The following CMIP variants were observed in gnomAD, a reference collection of about 807,000 sequenced individuals.
The protein encoded by CMIP is C-Maf-inducing protein.
A neutral mutation model predicts 97.3 loss-of-function variants in CMIP; 13 were observed. The ratio of observed to expected loss-of-function variants is 0.13; its 90% CI spans 0.09 to 0.21. The LOEUF is 0.21. CMIP is among the 10% of genes least tolerant of loss of function. The probability of loss-of-function intolerance (pLI) is 1.00; values close to 1 mark genes in which losing one functional copy is unlikely to be tolerated. For synonymous variants in CMIP, 538 were observed against 436.3 expected (o/e 1.23, Z -2.91); for missense variants, 847 against 1,024.9 (o/e 0.83, Z 2.37).
chr16:81,456,368 C>T (rs1186738361), intron 1 of CMIP, among the ~76,000 whole-genome samples: 1 of 152,216 alleles, frequency 6.6e-6, no homozygotes, highest in Non-Finnish European at 1.5e-5. Flanking sequence ...CAAGGTTACA[C>T]AGCTGGAACC....
chr16:81,520,767 A>G (rs897117107), intron 1 of CMIP: 3 of 152,326 alleles, frequency 2.0e-5, no homozygotes, highest in Admixed American at 1.3e-4. Flanking sequence ...TGGGCAAATA[A>G]CTTAACTTCT....
chr16:81,509,895 T>C (rs551660622), intron 1 of CMIP, among the ~76,000 whole-genome samples: 353 of 152,300 alleles, frequency 2.3e-3, no homozygotes, highest in African/African-American at 8.0e-3. Context: ...ATGGATCTGA[T>C]GCAGTGATTG....
intron 1 of CMIP, chr16:81,464,495 C>CTCATTCATTCAT (rs10593332): frequency 1.2e-4 from 18 of 151,474 alleles, no homozygotes; most frequent in Admixed American, 6.6e-5. Context: ...GAGTGAAGGT[C>CTCATTCATTCAT]TCATTCATTC....
intron 3 of CMIP, among the ~76,000 whole-genome samples, chr16:81,648,409 A>C (rs7342709): frequency 6.6e-6 from 1 of 151,804 alleles, no homozygotes; most frequent in Non-Finnish European, 1.5e-5. Flanking sequence ...GCTGTGCACC[A>C]TGAACACCTG....
intron 18 of CMIP, among the ~76,000 whole-genome samples, 153 bp downstream of exon 18, chr16:81,704,238 CTTA>C (rs1907779438): frequency 1.2e-5 from 1 of 83,524 alleles, no homozygotes. Context: ...CCCTGCCCCC[CTTA>C]CTCTCCTCCC....
At chr16:81,654,680 C>T (rs932348103) in intron 4 of CMIP, among the ~76,000 whole-genome samples, 12 of 152,176 alleles carry the variant, frequency 7.9e-5, no homozygotes, top group Non-Finnish European at 1.5e-4. Context: ...CCCAAGGACC[C>T]TGCAAGGTAA....
chr16:81,543,749 A>C (rs1322626196), intron 1 of CMIP, among the ~76,000 whole-genome samples: 1 of 152,208 alleles, frequency 6.6e-6, no homozygotes, highest in African/African-American at 2.4e-5. Context: ...TCTGAAACAA[A>C]GAGAAATTTT....
At chr16:81,495,280 G>C in intron 1 of CMIP, 1 of 1,418,720 alleles carries the variant, frequency 7.0e-7, no homozygotes, top group Non-Finnish European at 9.2e-7. Flanking sequence ...GGGAAGCAGA[G>C]GATGAACCCT....
chr16:81,617,788 G>C (rs1662137325), intron 2 of CMIP, among the ~76,000 whole-genome samples: 1 of 152,218 alleles, frequency 6.6e-6, no homozygotes, highest in South Asian at 2.1e-4. Context: ...TCATTCCTTT[G>C]TTCATTCATT....
chr16:81,497,832 T>C (rs551994661), intron 1 of CMIP, among the ~76,000 whole-genome samples: 1 of 152,368 alleles, frequency 6.6e-6, no homozygotes, highest in Non-Finnish European at 1.5e-5. Flanking sequence ...CCTCAAGGGC[T>C]ACAAAGAAAG....
At chr16:81,657,072 A>G (rs1198990023) in intron 4 of CMIP, among the ~76,000 whole-genome samples, 1 of 152,206 alleles carries the variant, frequency 6.6e-6, no homozygotes, top group Non-Finnish European at 1.5e-5. Flanking sequence ...ATGGAAATCC[A>G]AAACACATGT....
At position 81,664,402 on chromosome 16, in the gene CMIP, C is replaced by T. The variant is rs141153486; in HGVS notation, c.825+53C>T. The T allele has an allele frequency of 8.9e-5, 135 of 1,518,738 alleles. No individual in the cohort carries two copies. The African/African-American group carries it at 1.2e-3, about 13-fold the overall frequency. 94.1% of individuals were successfully genotyped at this position (1,518,738 alleles called of 1,614,324 possible). On this transcript the variant is annotated intron_variant, in intron 7 of 20. Transcript: ENST00000537098. ...CCCCAGCGCCCAGAACATGAGGCCC[C>T]GCGCGCCTCCCTGGCCTTTTGCGTT...
intron 1 of CMIP, among the ~76,000 whole-genome samples, chr16:81,593,495 G>T (rs77622931): frequency 0.016 from 2,413 of 152,304 alleles, 73 homozygotes; most frequent in East Asian, 0.14. Flanking sequence ...TGTGGAGCTG[G>T]TCGGTCACCC....
chr16:81,693,352 C>T (rs1417649815), intron 12 of CMIP, 87 bp from the exon 13 acceptor site: 1 of 1,545,572 alleles, frequency 6.5e-7, no homozygotes, highest in African/African-American at 1.4e-5. Context: ...CTGGCCCGTT[C>T]TTCCTTGACA....
intron 1 of CMIP, among the ~76,000 whole-genome samples, chr16:81,547,161 G>A (rs2090563163): frequency 6.6e-6 from 1 of 152,196 alleles, no homozygotes; most frequent in Admixed American, 6.5e-5. Context: ...GGAGGATCTG[G>A]GGCAGAGGAG....
intron 1 of CMIP, among the ~76,000 whole-genome samples, chr16:81,559,630 TTGG>T (rs200902026): frequency 0.011 from 1,684 of 152,274 alleles, 86 homozygotes; most frequent in Admixed American, 0.094. Context: ...TGCTCAGGTG[TTGG>T]TGGTGGTGCT....
intron 3 of CMIP, among the ~76,000 whole-genome samples, chr16:81,639,818 G>A (rs1039075627): frequency 1.3e-5 from 2 of 152,304 alleles, no homozygotes; most frequent in African/African-American, 4.8e-5. Context: ...GTTGGACTCC[G>A]TTATTGGAAT....
intron 1 of CMIP, among the ~76,000 whole-genome samples, chr16:81,469,583 G>T (rs540607287): frequency 6.6e-6 from 1 of 152,322 alleles, no homozygotes; most frequent in African/African-American, 2.4e-5. Context: ...CAAGGTCTGA[G>T]GGGCCAGAGA....
At chr16:81,489,702 C>T (rs1331991912) in intron 1 of CMIP, among the ~76,000 whole-genome samples, 2 of 152,224 alleles carry the variant, frequency 1.3e-5, no homozygotes, top group Non-Finnish European at 2.9e-5. Context: ...TGTGAAACGG[C>T]ACTGCCCAGG....
Sources: allele counts gnomAD v4.1 joint callset (sites outside exome capture counted in the v4.1 genomes callset), GRCh38; gene constraint gnomAD v4.1.1; transcripts MANE v1.5; gene names NCBI Gene and HGNC (gene_info 2026-07-23, HGNC 2026-07-21).